WDR7: variants seen among roughly 807,000 people sequenced by gnomAD.
WDR7 encodes the protein WD repeat domain 7.
A neutral mutation model predicts 169.4 loss-of-function variants in WDR7; 46 were observed. The observed-to-expected ratio is 0.27, with a 90% CI of 0.21 to 0.35. The LOEUF (loss-of-function observed/expected upper bound fraction) is 0.35, where lower values mean the gene tolerates loss of function less well. WDR7 is among the 10% of genes least tolerant of loss of function. WDR7 has a pLI of 1.00. For synonymous variants in WDR7, 612 were observed against 666.8 expected (o/e 0.92, Z 1.27); for missense variants, 1,534 against 1,859.3 (o/e 0.83, Z 3.22).
intron 2 of WDR7, among the ~76,000 whole-genome samples, chr18:56,677,206 A>G (rs1175267754): frequency 6.6e-6 from 1 of 152,080 alleles, no homozygotes; most frequent in African/African-American, 2.4e-5. Context: ...TTGTCTAGAA[A>G]GTCTTTATTT....
chr18:56,965,870 G>A (rs1343077200), intron 26 of WDR7, among the ~76,000 whole-genome samples: 2 of 152,008 alleles, frequency 1.3e-5, no homozygotes, highest in Non-Finnish European at 2.9e-5. Flanking sequence ...CCATCTCTAT[G>A]TTAATGATTA....
intron 21 of WDR7, among the ~76,000 whole-genome samples, chr18:56,905,468 GA>G (rs1319128972): frequency 6.6e-6 from 1 of 152,108 alleles, no homozygotes; most frequent in Non-Finnish European, 1.5e-5. Flanking sequence ...ACAATTTTCA[GA>G]AGATATTGAT....
intron 16 of WDR7, among the ~76,000 whole-genome samples, chr18:56,764,399 A>G (rs1182550327): frequency 6.6e-6 from 1 of 152,040 alleles, no homozygotes; most frequent in East Asian, 1.9e-4. Context: ...ATTTGTTTCA[A>G]TTGATTGTGT....
chr18:56,893,389 A>G (rs143887688), intron 21 of WDR7, among the ~76,000 whole-genome samples: 46 of 152,220 alleles, frequency 3.0e-4, no homozygotes, highest in Middle Eastern at 3.4e-3. Flanking sequence ...GACCATGAAC[A>G]TCTAGTGTTA....
chr18:56,998,152 A>G (rs927394565), intron 26 of WDR7, among the ~76,000 whole-genome samples: 1 of 152,154 alleles, frequency 6.6e-6, no homozygotes, highest in Non-Finnish European at 1.5e-5. Flanking sequence ...CAAAAGTTTG[A>G]TATCAAAAAG....
At chr18:56,918,127 CAG>C (rs1250682471) in intron 21 of WDR7, among the ~76,000 whole-genome samples, 2 of 152,176 alleles carry the variant, frequency 1.3e-5, no homozygotes, top group African/African-American at 4.8e-5. Flanking sequence ...CCTGACATAA[CAG>C]AGGTGGTGCT....
At chr18:56,995,726 A>T (rs2047890081) in intron 26 of WDR7, among the ~76,000 whole-genome samples, 1 of 152,180 alleles carries the variant, frequency 6.6e-6, no homozygotes, top group Non-Finnish European at 1.5e-5. Context: ...ACCCACAGGG[A>T]TCCTCCCTGT....
intron 20 of WDR7, among the ~76,000 whole-genome samples, chr18:56,834,372 T>G (rs1266171423): frequency 6.6e-6 from 1 of 152,152 alleles, no homozygotes; most frequent in Non-Finnish European, 1.5e-5. Flanking sequence ...TGTGACTCAC[T>G]GGGGGTTGGT....
chr18:56,980,823 G>A (rs2145829910), intron 26 of WDR7, among the ~76,000 whole-genome samples: 1 of 152,252 alleles, frequency 6.6e-6, no homozygotes, highest in Non-Finnish European at 1.5e-5. Flanking sequence ...GTGAATGGGA[G>A]GAAAGGGAAC....
intron 14 of WDR7, among the ~76,000 whole-genome samples, chr18:56,754,341 ATGTGTGTATATATG>A (rs1568175811): frequency 6.7e-6 from 1 of 149,938 alleles, no homozygotes; most frequent in Non-Finnish European, 1.5e-5. Flanking sequence ...ATACGTATAT[ATGTGTGTATATATG>A]TGTGTGTATA....
intron 14 of WDR7, among the ~76,000 whole-genome samples, chr18:56,733,311 A>C (rs1050399116): frequency 6.6e-6 from 1 of 152,108 alleles, no homozygotes; most frequent in East Asian, 1.9e-4. Context: ...ACCATTAGGG[A>C]TTTCTCTAAC....
chr18:56,888,185 C>G (rs770529770), intron 21 of WDR7, among the ~76,000 whole-genome samples: 16 of 152,152 alleles, frequency 1.1e-4, no homozygotes, highest in Non-Finnish European at 2.1e-4. Flanking sequence ...GACACTGATG[C>G]GTAATTCAAA....
chr18:57,015,166 C>T (rs2048189393), intron 26 of WDR7, among the ~76,000 whole-genome samples: 1 of 152,148 alleles, frequency 6.6e-6, no homozygotes, highest in Admixed American at 6.5e-5. Flanking sequence ...TAGCCCTGTC[C>T]ACACACACAG....
At chr18:56,945,122 T>C (rs1458824398) in intron 25 of WDR7, among the ~76,000 whole-genome samples, 2 of 152,192 alleles carry the variant, frequency 1.3e-5, no homozygotes, top group Non-Finnish European at 2.9e-5. Flanking sequence ...TAAGCAGCTT[T>C]GAAAGTGATC....
chr18:56,972,977 C>T (rs963175116), intron 26 of WDR7, among the ~76,000 whole-genome samples: 2 of 152,156 alleles, frequency 1.3e-5, no homozygotes, highest in Non-Finnish European at 2.9e-5. Flanking sequence ...GATTCTCCTG[C>T]CTCAGCTGCC....
chr18:56,847,973 G>A (rs1456312526), intron 20 of WDR7, among the ~76,000 whole-genome samples: 1 of 152,218 alleles, frequency 6.6e-6, no homozygotes, highest in Non-Finnish European at 1.5e-5. Context: ...AGAAATGTGG[G>A]GTTGGAGCAC....
intron 20 of WDR7, among the ~76,000 whole-genome samples, chr18:56,866,023 G>A (rs1280245808): frequency 6.6e-6 from 1 of 151,986 alleles, no homozygotes; most frequent in African/African-American, 2.4e-5. Flanking sequence ...GTTGGCATAG[G>A]CATCAAATAT....
intron 16 of WDR7, among the ~76,000 whole-genome samples, chr18:56,764,727 T>C (rs540545652): frequency 6.6e-6 from 1 of 152,250 alleles, no homozygotes; most frequent in East Asian, 1.9e-4. Context: ...TGTATTCTGC[T>C]GTTGTTGGGT....
At chr18:57,000,528 A>C (rs1853247038) in intron 26 of WDR7, among the ~76,000 whole-genome samples, 1 of 151,900 alleles carries the variant, frequency 6.6e-6, no homozygotes, top group Non-Finnish European at 1.5e-5. Flanking sequence ...TTTGTTTTTT[A>C]GTGGTTTTGT....
Sources: allele counts gnomAD v4.1 joint callset (sites outside exome capture counted in the v4.1 genomes callset), GRCh38; gene constraint gnomAD v4.1.1; transcripts MANE v1.5; gene names NCBI Gene and HGNC (gene_info 2026-07-23, HGNC 2026-07-21).